GRK2: variants seen among roughly 807,000 people sequenced by gnomAD.
GRK2 encodes adrenergic beta receptor kinase 1.
In GRK2, 23 loss-of-function variants were observed where a neutral mutation model predicts 97.8. That is an observed-to-expected ratio of 0.24 (90% CI 0.17 to 0.33). The LOEUF is 0.33. GRK2 is among the 10% of genes least tolerant of loss of function. The probability of loss-of-function intolerance (pLI) is 1.00; values close to 1 mark genes in which losing one functional copy is unlikely to be tolerated. For synonymous variants in GRK2, 425 were observed against 381.7 expected (o/e 1.11, Z -1.32); for missense variants, 633 against 956.9 (o/e 0.66, Z 4.47).
chr11:67,274,204 G>A (rs1311082494), intron 1 of GRK2, among the ~76,000 whole-genome samples: 7 of 151,960 alleles, frequency 4.6e-5, no homozygotes, highest in Admixed American at 4.6e-4. Flanking sequence ...GTAGAGACGG[G>A]GTTTCACCAT....
rs967248296 is a variant in GRK2, at chr11:67,275,824, A to T, written c.114-1448A>T. On this transcript the variant is annotated intron_variant, in intron 1 of 20. Transcript: ENST00000308595. ...CACCTTCTCCACACAGGCTTTCCAGACCCAGAGGCCTCCTCTCCTTCCCAA... is the reference window on the plus strand; with the variant it reads ...CACCTTCTCCACACAGGCTTTCCAGTCCCAGAGGCCTCCTCTCCTTCCCAA... Among the ~76,000 whole-genome samples, 22 of 152,310 alleles carry T rather than the reference A, an allele frequency of 1.4e-4. 1 individual carries two copies. The East Asian group carries it at 4.3e-3, about 29-fold the overall frequency.
Position 67,269,094 on chromosome 11 carries a change from A to G in GRK2, c.113+2282A>G, listed in dbSNP as rs766031362. ...GGGAAGGGCTACTGGCCACCCCTAC[A>G]TGGGGGTCCAGGCCTGGGGCATTAG... On this transcript the variant is annotated intron_variant, in intron 1 of 20. Transcript: ENST00000308595. The surrounding 1 kb of genome is among the most constrained non-coding windows in gnomAD (Gnocchi z 4.1). Among the ~76,000 whole-genome samples the G allele has an allele frequency of 4.6e-5, 7 of 152,174 alleles. No individual in the cohort carries two copies. The highest frequency in any genetic ancestry group is 7.2e-5 in the African/African-American group (3 of 41,448).
At chr11:67,270,685 G>T (rs1859888094) in intron 1 of GRK2, among the ~76,000 whole-genome samples, 1 of 152,176 alleles carries the variant, frequency 6.6e-6, no homozygotes, top group South Asian at 2.1e-4. Context: ...GATCTTTCCT[G>T]CAGTCACTCC....
chr11:67,280,902 G>T, intron 7 of GRK2, 119 bp downstream of exon 7: 3 of 1,293,160 alleles, frequency 2.3e-6, no homozygotes, highest in Non-Finnish European at 3.3e-6. Flanking sequence ...TTAGCCCCCA[G>T]GGCCGTGGCT....
Position 67,285,457 on chromosome 11 carries a change from C to T in GRK2, c.*7C>T, listed in dbSNP as rs766591685. The T allele has an allele frequency of 6.5e-7, 1 of 1,531,212 alleles. No individual in the cohort carries two copies. The highest frequency in any genetic ancestry group is 1.2e-5 in the South Asian group (1 of 81,322). The allele number at this position is 1,531,212 out of a possible 1,614,324, so 94.9% of individuals were successfully genotyped here. On this transcript the variant is annotated 3_prime_UTR_variant, in exon 21 of 21. Transcript: ENST00000308595. ...CAGTGCCAACGGCCTCTGACCCGCC[C>T]ACCCGCCTTTTATAAACCTCTAATT...
chr11:67,285,289 G>A lies in GRK2; in HGVS notation c.1909G>A (p.Asp637Asn), dbSNP rs778340869. 7 of 1,607,928 alleles carry A rather than the reference G, an allele frequency of 4.4e-6. No individual in the cohort carries two copies. Among genetic ancestry groups the A allele is most frequent in the East Asian group, 2.2e-5 (1 of 44,768 alleles). Residue 637 changes from aspartate to asparagine, a missense_variant, in exon 21 of 21, where the codon GAC becomes AAC. Asp to Asn is a conservative substitution (Grantham distance 23). Coordinates refer to ENST00000308595, the MANE Select transcript of GRK2 (RefSeq NM_001619.5). Reference protein sequence around the residue: ...GKQFILQCDSDPELVQWKKEL... With the variant: ...GKQFILQCDSNPELVQWKKEL... ...GAGCTGGGCTTGGCATGTGCAGAGC[G>A]ACCCTGAGCTGGTGCAGTGGAAGAA...
intron 1 of GRK2, among the ~76,000 whole-genome samples, chr11:67,272,865 C>T (rs1859939894): frequency 6.6e-6 from 1 of 152,228 alleles, no homozygotes; most frequent in Admixed American, 6.5e-5. Flanking sequence ...GCCACAGGCC[C>T]CATCCTCCAA....
intron 1 of GRK2, among the ~76,000 whole-genome samples, chr11:67,271,456 A>T (rs1266954869): frequency 6.6e-6 from 1 of 152,200 alleles, no homozygotes; most frequent in African/African-American, 2.4e-5. Flanking sequence ...CGTGTTTGGG[A>T]TGGGGGATAA....
chr11:67,285,592 G>T lies in GRK2; in HGVS notation c.*142G>T. ...GCCTGGCCCAGCTCCCCCGGGAGGG[G>T]CCCGCTTGCCTCGGCTCCTGCTGCA... On this transcript the variant is annotated 3_prime_UTR_variant, in exon 21 of 21. Transcript: ENST00000308595. The T allele has an allele frequency of 8.8e-7, 1 of 1,134,886 alleles. No individual in the cohort carries two copies. Among genetic ancestry groups the T allele is most frequent in the South Asian group, 1.7e-5 (1 of 57,886 alleles). 70.3% of individuals were successfully genotyped at this position (1,134,886 alleles called of 1,614,324 possible). A position where few individuals can be genotyped will look rare whatever the true frequency, so the allele number is the denominator to read the frequency against.
rs151056395 is a variant in GRK2, at chr11:67,268,019, A to C, written c.113+1207A>C. Among the ~76,000 whole-genome samples the C allele has an allele frequency of 7.5e-3, 1,146 of 152,274 alleles. 5 individuals are homozygous for C. Among genetic ancestry groups the C allele is most frequent in the Middle Eastern group, 0.017 (5 of 294 alleles). On this transcript the variant is annotated intron_variant, in intron 1 of 20. Coordinates refer to ENST00000308595, the MANE Select transcript of GRK2 (RefSeq NM_001619.5). ...TGTGGCAACTCCTTGTGCATGCCTG[A>C]GAGTTGGCCTCCTCCTGGTGCCCCA... is the stretch of plus-strand genomic sequence containing the variant.
chr11:67,285,291 C>T lies in GRK2; in HGVS notation c.1911C>T (p.Asp637=), dbSNP rs768176442. ...GKQFILQCDS[D]PELVQWKKEL... is the part of the protein sequence containing the mutation. ...GCTGGGCTTGGCATGTGCAGAGCGA[C>T]CCTGAGCTGGTGCAGTGGAAGAAGG... The change falls in exon 21 of 21, where the codon GAC becomes GAT. Residue 637 remains aspartate (D), a synonymous_variant. Transcript: ENST00000308595. 1.9e-6 allele frequency: 3 copies of T among 1,609,066 alleles called. No homozygotes were observed. Among genetic ancestry groups the T allele is most frequent in the Non-Finnish European group, 1.7e-6 (2 of 1,178,060 alleles).
At chr11:67,285,243 TGGGGA>T in intron 20 of GRK2, 38 bp from the exon 21 acceptor site, 2 of 1,610,612 alleles carry the variant, frequency 1.2e-6, no homozygotes, top group Non-Finnish European at 8.5e-7. Context: ...CCAGGCAGGC[TGGGGA>T]GAGCCCCAGC....
Position 67,281,122 on chromosome 11 carries a change from C to T in GRK2, c.585C>T (p.Arg195=). ...HLTMNDFSVH[R]IIGRGGFGEV... ...CCATGAATGACTTCAGCGTGCATCG[C>T]ATCATTGGGCGCGGGGGCTTTGGCG... Residue 195 remains arginine, a synonymous_variant, in exon 8 of 21, where the codon CGC becomes CGT. Transcript: ENST00000308595. This position sits in a 1 kb window ranked among gnomAD's most constrained non-coding sequence, Gnocchi z 5.7. 6.2e-7 allele frequency: 1 copy of T among 1,613,474 alleles called. No individual in the cohort carries two copies. The highest frequency in any genetic ancestry group is 8.5e-7 in the Non-Finnish European group (1 of 1,179,760).
At chr11:67,280,581 A>G in intron 6 of GRK2, 151 bp from the exon 7 acceptor site, 1 of 916,950 alleles carries the variant, frequency 1.1e-6, no homozygotes. Flanking sequence ...CCCTCAACAT[A>G]TCCTTCCTGG....
In GRK2 at chr11:67,276,322, A is replaced by C. The variant is rs1860028125; in HGVS notation, c.114-950A>C. ...GGACAGACCGGCAGGGCTGGGCTTG[A>C]GGTGGGCCAGGAGAGGGCAGGAGGG... On this transcript the variant is annotated intron_variant, in intron 1 of 20. Transcript: ENST00000308595. The surrounding 1 kb of genome is among the most constrained non-coding windows in gnomAD (Gnocchi z 4.2). 6.6e-6 allele frequency among the ~76,000 whole-genome samples: 1 copy of C among 152,120 alleles called. No homozygotes were observed. The highest frequency in any genetic ancestry group is 2.4e-5 in the African/African-American group (1 of 41,406).
Position 67,279,217 on chromosome 11 carries a change from GACTTCTGCCTGAACC to G in GRK2, c.211_225del (p.Phe71_His75del), listed in dbSNP as rs748552056. On this transcript the variant is annotated inframe_deletion, in exon 3 of 21. Transcript: ENST00000308595. ...GCCTTCAGGGTACCTGCTCTTCCGAGACTTCTGCCTGAACCACCTGGAGGAGGCCAGGCCCTTGGT... is the reference window on the plus strand; with the variant it reads ...GCCTTCAGGGTACCTGCTCTTCCGAGACCTGGAGGAGGCCAGGCCCTTGGT... The G allele has an allele frequency of 6.2e-7, 1 of 1,613,392 alleles. No individual in the cohort carries two copies. Among genetic ancestry groups the G allele is most frequent in the Non-Finnish European group, 8.5e-7 (1 of 1,179,902 alleles).
At chr11:67,272,467 C>T (rs1250893290) in intron 1 of GRK2, among the ~76,000 whole-genome samples, 1 of 152,154 alleles carries the variant, frequency 6.6e-6, no homozygotes, top group Admixed American at 6.5e-5. Context: ...CAGGAGACAC[C>T]TAAGAGAGCC....
At chr11:67,275,164 G>A (rs1860002731) in intron 1 of GRK2, among the ~76,000 whole-genome samples, 2 of 152,188 alleles carry the variant, frequency 1.3e-5, no homozygotes, top group Admixed American at 6.5e-5. Context: ...GTGCTATCTC[G>A]CTCGGCCTTT....
intron 1 of GRK2, among the ~76,000 whole-genome samples, chr11:67,270,542 G>A (rs1859885294): frequency 6.6e-6 from 1 of 152,208 alleles, no homozygotes; most frequent in Non-Finnish European, 1.5e-5. Flanking sequence ...GCAGCGGGAA[G>A]CTCTCTCCCT....
Sources: allele counts gnomAD v4.1 joint callset (sites outside exome capture counted in the v4.1 genomes callset), GRCh38; gene constraint gnomAD v4.1.1; non-coding constraint Gnocchi (gnomAD v3.1); transcripts MANE v1.5; gene names NCBI Gene and HGNC (gene_info 2026-07-23, HGNC 2026-07-21).